BANP: variants seen among roughly 807,000 people sequenced by gnomAD.
The protein encoded by BANP is protein BANP.
A neutral mutation model predicts 68.1 loss-of-function variants in BANP; 11 were observed. The ratio of observed to expected loss-of-function variants is 0.16; its 90% CI spans 0.10 to 0.27. The LOEUF (loss-of-function observed/expected upper bound fraction) is 0.27, where lower values mean the gene tolerates loss of function less well. Among genes scored for constraint, BANP ranks in the 10% least tolerant of loss-of-function variants. The pLI is 1.00. For synonymous variants in BANP, 329 were observed against 303.2 expected, an observed-to-expected ratio of 1.09 and a Z score of -0.88; for missense variants, 504 against 722.7, an observed-to-expected ratio of 0.70 and a Z score of 3.47.
intron 7 of BANP, 72 bp from the exon 8 acceptor site, chr16:88,027,411 C>G: frequency 6.4e-7 from 1 of 1,573,746 alleles, no homozygotes; most frequent in Admixed American, 1.7e-5. Flanking sequence ...GGGCCCCGGC[C>G]CTGCAGCCAG....
chr16:88,072,096 G>A lies in BANP; in HGVS notation c.1405G>A (p.Val469Met), dbSNP rs1320664410. The change falls in exon 13 of 14, where the codon GTG becomes ATG. Residue 469 changes from valine (V) to methionine (M), a missense_variant. Val to Met is a conservative substitution (Grantham distance 21, BLOSUM62 1). Transcript: ENST00000682872. ...GCTGCAGGGTGCACAGCTGATCGCC[G>A]TGGCCTCCTCGGACCCCGCGGCGGC... is the stretch of plus-strand genomic sequence containing the variant. The part of the protein sequence containing the change: ...QVLQGAQLIA[V>M]ASSDPAAAGV... 5 of 1,597,444 alleles carry A rather than the reference G, an allele frequency of 3.1e-6. No homozygotes were observed. Among genetic ancestry groups the A allele is most frequent in the East Asian group, 2.3e-5 (1 of 44,210 alleles).
chr16:88,023,331 A>T (rs1395670678), intron 7 of BANP, among the ~76,000 whole-genome samples: 1 of 151,982 alleles, frequency 6.6e-6, no homozygotes, highest in African/African-American at 2.4e-5. Context: ...ATTTTTTCTC[A>T]TAAAGGAGTG....
intron 1 of BANP, among the ~76,000 whole-genome samples, chr16:87,955,042 C>T (rs1366675259): frequency 3.3e-5 from 5 of 152,238 alleles, no homozygotes; most frequent in Admixed American, 1.3e-4. Context: ...GGGCAAGGCC[C>T]GGCAGACCCG....
At chr16:87,996,649 G>A (rs1020735528) in intron 4 of BANP, among the ~76,000 whole-genome samples, 3 of 151,646 alleles carry the variant, frequency 2.0e-5, no homozygotes, top group Non-Finnish European at 4.4e-5. Context: ...CTGGGCGCCA[G>A]CTGGGCTCTG....
intron 3 of BANP, among the ~76,000 whole-genome samples, chr16:87,983,615 T>A (rs2063724192): frequency 6.6e-6 from 1 of 151,908 alleles, no homozygotes; most frequent in South Asian, 2.1e-4. Flanking sequence ...CCACAGGGGG[T>A]CCCGTCACCT....
chr16:87,995,065 G>T (rs1200120650), intron 4 of BANP, among the ~76,000 whole-genome samples: 1 of 152,168 alleles, frequency 6.6e-6, no homozygotes, highest in African/African-American at 2.4e-5. Context: ...GAAGGGGAGA[G>T]GCGTGAAAAG....
chr16:88,049,125 A>G (rs938661435), intron 11 of BANP, among the ~76,000 whole-genome samples: 2 of 152,106 alleles, frequency 1.3e-5, no homozygotes, highest in Non-Finnish European at 1.5e-5. Flanking sequence ...ACACGGAGAC[A>G]GCGTCGGATC....
At chr16:88,024,193 C>T (rs1217867931) in intron 7 of BANP, among the ~76,000 whole-genome samples, 1 of 152,180 alleles carries the variant, frequency 6.6e-6, no homozygotes, top group Non-Finnish European at 1.5e-5. Context: ...TCCCGTCTCC[C>T]CGAGCACCTC....
At chr16:88,075,132 G>A (rs912105254) in intron 13 of BANP, among the ~76,000 whole-genome samples, 1 of 152,116 alleles carries the variant, frequency 6.6e-6, no homozygotes, top group Non-Finnish European at 1.5e-5. Context: ...AATCACCTGA[G>A]GTCAGGAGTT....
chr16:87,951,798 G>A (rs1218405150), intron 1 of BANP, among the ~76,000 whole-genome samples: 1 of 151,880 alleles, frequency 6.6e-6, no homozygotes, highest in Non-Finnish European at 1.5e-5. Flanking sequence ...CGGCCCGGGG[G>A]CCTCGCGCTC....
At chr16:88,062,494 A>G (rs2087108044) in intron 11 of BANP, among the ~76,000 whole-genome samples, 1 of 152,190 alleles carries the variant, frequency 6.6e-6, no homozygotes, top group African/African-American at 2.4e-5. Context: ...GCTCTGTTTC[A>G]AAAATGTTCA....
At chr16:88,019,450 G>A (rs1006112018) in intron 7 of BANP, among the ~76,000 whole-genome samples, 2 of 151,828 alleles carry the variant, frequency 1.3e-5, no homozygotes, top group Admixed American at 1.3e-4. Context: ...GGGCTCTGGA[G>A]AGTCACCTCA....
At chr16:88,061,205 G>A (rs1206075289) in intron 11 of BANP, among the ~76,000 whole-genome samples, 2 of 152,192 alleles carry the variant, frequency 1.3e-5, no homozygotes, top group African/African-American at 2.4e-5. Flanking sequence ...CTTGCCACAA[G>A]GCACCTTTGT....
At chr16:87,971,990 C>G (rs186175730) in intron 1 of BANP, among the ~76,000 whole-genome samples, 2 of 152,012 alleles carry the variant, frequency 1.3e-5, no homozygotes, top group Admixed American at 1.3e-4. Context: ...GTCGGGGTCT[C>G]GGTACATGCC....
At chr16:87,961,133 T>G (rs2059042892) in intron 1 of BANP, among the ~76,000 whole-genome samples, 1 of 152,336 alleles carries the variant, frequency 6.6e-6, no homozygotes, top group Non-Finnish European at 1.5e-5. Flanking sequence ...CCAATGGATC[T>G]TAAAGCCATA....
At chr16:87,988,648 C>T (rs1446711703) in intron 4 of BANP, among the ~76,000 whole-genome samples, 1 of 152,130 alleles carries the variant, frequency 6.6e-6, no homozygotes, top group Non-Finnish European at 1.5e-5. Flanking sequence ...TTAAAATAGC[C>T]CGGGGTTCCC....
intron 4 of BANP, among the ~76,000 whole-genome samples, chr16:87,994,637 T>C (rs1567692276): frequency 1.3e-5 from 2 of 152,342 alleles, no homozygotes; most frequent in South Asian, 4.1e-4. Flanking sequence ...GATGTTTTTA[T>C]GACTTTTTAA....
chr16:88,039,034 G>T (rs1346358196), intron 11 of BANP, among the ~76,000 whole-genome samples: 3 of 152,352 alleles, frequency 2.0e-5, no homozygotes, highest in Admixed American at 2.0e-4. Context: ...CCAGAGCGAG[G>T]TGCTTTACAC....
At chr16:88,022,548 C>A (rs1598533836) in intron 7 of BANP, among the ~76,000 whole-genome samples, 1 of 152,260 alleles carries the variant, frequency 6.6e-6, no homozygotes. Context: ...ACTTCACCCA[C>A]ACCTGTCCCT....
Sources: allele counts gnomAD v4.1 joint callset (sites outside exome capture counted in the v4.1 genomes callset), GRCh38; gene constraint gnomAD v4.1.1; transcripts MANE v1.5; gene names NCBI Gene and HGNC (gene_info 2026-07-23, HGNC 2026-07-21).